The following DYNC1I1 variants were observed in gnomAD, a reference collection of about 807,000 sequenced individuals.
The protein encoded by DYNC1I1 is cytoplasmic dynein 1 intermediate chain 1.
In DYNC1I1, 43 loss-of-function variants were observed where a neutral mutation model predicts 86.6. That is an observed-to-expected ratio of 0.50 (90% CI 0.39 to 0.64). The LOEUF (loss-of-function observed/expected upper bound fraction) is 0.64. DYNC1I1 is among the 30% of genes least tolerant of loss of function. The probability of loss-of-function intolerance (pLI) is 0.00; values close to 1 mark genes in which losing one functional copy is unlikely to be tolerated. For synonymous variants in DYNC1I1, 262 were observed against 283.7 expected (o/e 0.92, Z 0.77); for missense variants, 604 against 788.8 (o/e 0.77, Z 2.81).
intron 10 of DYNC1I1, among the ~76,000 whole-genome samples, chr7:96,016,159 A>G (rs140334671): frequency 1.3e-5 from 2 of 152,292 alleles, no homozygotes; most frequent in Non-Finnish European, 2.9e-5. Context: ...ATATGAAGAA[A>G]GACCTATTCG....
intron 10 of DYNC1I1, among the ~76,000 whole-genome samples, chr7:96,011,402 A>G (rs1767504441): frequency 6.6e-6 from 1 of 152,202 alleles, no homozygotes; most frequent in South Asian, 2.1e-4. Flanking sequence ...AGATTTTCCC[A>G]TAGAAATTCA....
intron 14 of DYNC1I1, among the ~76,000 whole-genome samples, chr7:96,059,726 GTAGT>G (rs1789706377): frequency 3.3e-5 from 5 of 152,150 alleles, no homozygotes; most frequent in Admixed American, 3.3e-4. Flanking sequence ...ATCTTCAAAA[GTAGT>G]TAGCCCTGTG....
chr7:96,107,936 T>C (rs958312706), intron 16 of DYNC1I1, among the ~76,000 whole-genome samples: 2 of 150,684 alleles, frequency 1.3e-5, no homozygotes, highest in African/African-American at 4.9e-5. Flanking sequence ...GCCTCAATGA[T>C]TTCTGACTAA....
At chr7:95,820,690 T>C (rs1795054723) in intron 4 of DYNC1I1, among the ~76,000 whole-genome samples, 1 of 152,234 alleles carries the variant, frequency 6.6e-6, no homozygotes, top group Non-Finnish European at 1.5e-5. Flanking sequence ...GTAGAGAAGA[T>C]GGCTGGACCG....
At chr7:95,943,875 A>G (rs1462159662) in intron 6 of DYNC1I1, among the ~76,000 whole-genome samples, 10 of 151,882 alleles carry the variant, frequency 6.6e-5, no homozygotes, top group African/African-American at 2.4e-4. Flanking sequence ...AAATTAATTC[A>G]AGATGGATTA....
chr7:95,930,940 T>C (rs1791878434), intron 6 of DYNC1I1, among the ~76,000 whole-genome samples: 1 of 152,180 alleles, frequency 6.6e-6, no homozygotes, highest in Admixed American at 6.5e-5. Flanking sequence ...ATTTCAGTGT[T>C]CACAGGACAG....
At chr7:95,802,314 T>C (rs1794597321) in intron 1 of DYNC1I1, among the ~76,000 whole-genome samples, 1 of 152,196 alleles carries the variant, frequency 6.6e-6, no homozygotes, top group Admixed American at 6.5e-5. Flanking sequence ...TAAAGGCTAC[T>C]AAGAGTTCCT....
intron 6 of DYNC1I1, among the ~76,000 whole-genome samples, chr7:95,890,379 A>G (rs571142618): frequency 1.5e-4 from 23 of 152,316 alleles, no homozygotes; most frequent in African/African-American, 5.1e-4. Flanking sequence ...TTAAATGATG[A>G]GAACACATGG....
intron 4 of DYNC1I1, chr7:95,818,644 C>A: frequency 2.0e-6 from 1 of 489,788 alleles, no homozygotes; most frequent in South Asian, 4.1e-5. Context: ...TTGTGCCCAG[C>A]CTAAAAATCT....
intron 6 of DYNC1I1, among the ~76,000 whole-genome samples, chr7:95,909,236 A>AGG (rs1476037005): frequency 2.4e-3 from 9 of 3,752 alleles, no homozygotes; most frequent in Non-Finnish European, 3.2e-3. Flanking sequence ...GGAGGGTGGG[A>AGG]GGGGGGTGGG....
downstream of DYNC1I1, among the ~76,000 whole-genome samples, chr7:96,101,231 T>C (rs1791130934): frequency 6.6e-6 from 1 of 152,104 alleles, no homozygotes; most frequent in Non-Finnish European, 1.5e-5. Flanking sequence ...AGTGGCAAAA[T>C]AGACAGGCAG....
chr7:96,085,627 G>A (rs886565156), intron 16 of DYNC1I1, among the ~76,000 whole-genome samples: 15 of 152,118 alleles, frequency 9.9e-5, no homozygotes, highest in African/African-American at 3.1e-4. Flanking sequence ...GAAGTTATGC[G>A]AATCTGAATC....
chr7:96,019,054 A>G (rs1205714886), intron 10 of DYNC1I1, among the ~76,000 whole-genome samples: 2 of 152,144 alleles, frequency 1.3e-5, no homozygotes, highest in African/African-American at 4.8e-5. Context: ...TTGTTTCTTC[A>G]TTTTAATTAA....
intron 14 of DYNC1I1, among the ~76,000 whole-genome samples, chr7:96,042,816 A>G (rs1789090927): frequency 6.6e-6 from 1 of 152,220 alleles, no homozygotes; most frequent in African/African-American, 2.4e-5. Flanking sequence ...TTTCAGGGTT[A>G]CTAAATCATT....
At chr7:95,796,344 T>C (rs1171835690) in intron 1 of DYNC1I1, among the ~76,000 whole-genome samples, 1 of 152,078 alleles carries the variant, frequency 6.6e-6, no homozygotes, top group Non-Finnish European at 1.5e-5. Context: ...AGTTTCACTC[T>C]TGTTGCTCAG....
rs984661119 is a variant in DYNC1I1, at chr7:96,058,388, A to G, written c.1510-17669A>G. Among the ~76,000 whole-genome samples the G allele has an allele frequency of 8.5e-5, 13 of 152,342 alleles. No homozygotes were observed. The East Asian group carries it at 2.5e-3, about 29-fold the overall frequency. The stretch of plus-strand genomic sequence containing the variant: ...TGTGTAATCAATAGAACTTCTTTAA[A>G]AAGAGATGTTTTGTCCACCTTTAGT... On this transcript the variant is annotated intron_variant, in intron 14 of 16. Coordinates refer to ENST00000447467, the MANE Select transcript of DYNC1I1 (RefSeq NM_001135556.2).
chr7:95,834,973 C>G (rs1396625438), intron 5 of DYNC1I1, among the ~76,000 whole-genome samples: 1 of 146,168 alleles, frequency 6.8e-6, no homozygotes, highest in Non-Finnish European at 1.5e-5. Flanking sequence ...CTATTTCCTT[C>G]AGTTCTGCTC....
intron 15 of DYNC1I1, 100 bp downstream of exon 15, chr7:96,076,297 C>A: frequency 6.7e-7 from 1 of 1,491,846 alleles, no homozygotes; most frequent in South Asian, 1.3e-5. Context: ...CTTTTTTGGA[C>A]AGACCTTCCA....
chr7:95,816,653 G>GA (rs76856618), intron 4 of DYNC1I1, among the ~76,000 whole-genome samples: 1 of 151,924 alleles, frequency 6.6e-6, no homozygotes, highest in African/African-American at 2.4e-5. Context: ...AAACATAAAT[G>GA]AAAAATCTTT....
Sources: gnomAD v4.1 joint callset for allele counts (sites outside exome capture counted in the v4.1 genomes callset) on GRCh38, gnomAD v4.1.1 for gene constraint, MANE v1.5 for transcripts, NCBI Gene and HGNC (gene_info 2026-07-23, HGNC 2026-07-21) for gene names.